The following CHD5 variants were observed in gnomAD, a reference collection of about 807,000 sequenced individuals.
CHD5 encodes ATP-dependent chromatin remodeler CHD5.
Under a neutral mutation model 230.3 loss-of-function variants are expected in CHD5, and 69 were observed. The ratio of observed to expected loss-of-function variants is 0.30; its 90% CI spans 0.25 to 0.37. The LOEUF is 0.37. Ranked by LOEUF, CHD5 falls within the 10% of genes least tolerant of loss-of-function variation. The pLI, the probability that CHD5 is intolerant of heterozygous loss-of-function variation, is 1.00. For synonymous variants in CHD5, 1,064 were observed against 1,065.9 expected (o/e 1.00, Z 0.03); for missense variants, 1,827 against 2,622.8 (o/e 0.70, Z 6.63).
chr1:6,165,909 G>A (rs1462877734), intron 2 of CHD5, among the ~76,000 whole-genome samples: 1 of 152,000 alleles, frequency 6.6e-6, no homozygotes, highest in African/African-American at 2.4e-5. Flanking sequence ...TGAGACCCCG[G>A]GGAAGATGCA....
Position 6,149,214 on chromosome 1 carries a change from C to T in CHD5, c.1161+32G>A, listed in dbSNP as rs199509655. ...GGGGTGGGGGAGCCAGGCGTGGCCC[C>T]GCCCCCAGCCCGGGGCTCTGCCAAG... On this transcript the variant is annotated intron_variant, in intron 8 of 41. Transcript: ENST00000262450. 25 of 1,538,844 alleles carry T rather than the reference C, an allele frequency of 1.6e-5. No individual in the cohort carries two copies. In the East Asian group the frequency reaches 3.5e-4, roughly 22 times the overall value.
At chr1:6,156,828 C>G (rs1192747619) in intron 3 of CHD5, among the ~76,000 whole-genome samples, 13 of 152,308 alleles carry the variant, frequency 8.5e-5, no homozygotes, top group Non-Finnish European at 5.9e-5. Context: ...CTCAAGAGAG[C>G]TAGCCCAGGG....
chr1:6,169,895 C>T (rs535641465), intron 1 of CHD5, among the ~76,000 whole-genome samples: 3 of 152,226 alleles, frequency 2.0e-5, no homozygotes, highest in South Asian at 4.2e-4. Context: ...CTGCCATGGA[C>T]ACCCCAGGCC....
intron 35 of CHD5, 89 bp downstream of exon 35, chr1:6,112,051 A>T: frequency 6.8e-7 from 1 of 1,475,100 alleles, no homozygotes; most frequent in Non-Finnish European, 9.3e-7. Flanking sequence ...AACCAGTCAC[A>T]CTCTAGTATA....
chr1:6,133,018 C>A (rs1000510648), intron 20 of CHD5, among the ~76,000 whole-genome samples: 1 of 152,086 alleles, frequency 6.6e-6, no homozygotes, highest in South Asian at 2.1e-4. Flanking sequence ...CCTCAACCTC[C>A]CAAGTCGCTG....
intron 1 of CHD5, among the ~76,000 whole-genome samples, chr1:6,170,213 G>A (rs1036501358): frequency 3.9e-4 from 60 of 152,054 alleles, no homozygotes; most frequent in African/African-American, 1.3e-3. Flanking sequence ...TGGCCCACAC[G>A]CTCAGACACA....
chr1:6,169,325 T>C (rs1165826426), intron 1 of CHD5, among the ~76,000 whole-genome samples: 1 of 152,202 alleles, frequency 6.6e-6, no homozygotes, highest in East Asian at 1.9e-4. Context: ...AGAGACGCCG[T>C]GCCCAGCACA....
chr1:6,155,514 G>A lies in CHD5; in HGVS notation c.506+85C>T, dbSNP rs192332710. 3.6e-4 allele frequency: 435 copies of A among 1,205,120 alleles called. 1 individual carries two copies. Among genetic ancestry groups the A allele is most frequent in the Middle Eastern group, 6.6e-4 (3 of 4,524 alleles). The allele number at this position is 1,205,120 out of a possible 1,614,324, so 74.7% of individuals were successfully genotyped here. ...AGAGCCCACCCCTACCCCAGGTGCCGGGGCTTCACTCCTCTGCCTCCCTCC... is the reference window on the plus strand; with the variant it reads ...AGAGCCCACCCCTACCCCAGGTGCCAGGGCTTCACTCCTCTGCCTCCCTCC... On this transcript the variant is annotated intron_variant, in intron 4 of 41. Coordinates refer to ENST00000262450, the MANE Select transcript of CHD5 (RefSeq NM_015557.3). This position sits in a 1 kb window ranked among gnomAD's most constrained non-coding sequence, Gnocchi z 4.0.
At position 6,142,097 on chromosome 1, in the gene CHD5, T is replaced by C; in HGVS notation, c.2436+31A>G. ...CCCTGAACTAGACCGGGGGCCTTCC[T>C]ACCGTCCTTCCAAGGATAGCGAGCC... On this transcript the variant is annotated intron_variant, in intron 15 of 41. Coordinates refer to ENST00000262450, the MANE Select transcript of CHD5 (RefSeq NM_015557.3). The surrounding 1 kb of genome is among the most constrained non-coding windows in gnomAD (Gnocchi z 5.2). 6.3e-7 allele frequency: 1 copy of C among 1,595,498 alleles called. No individual in the cohort carries two copies. The highest frequency in any genetic ancestry group is 8.6e-7 in the Non-Finnish European group (1 of 1,163,822).
chr1:6,109,494 G>T (rs982167535), intron 38 of CHD5, among the ~76,000 whole-genome samples: 2 of 152,216 alleles, frequency 1.3e-5, no homozygotes, highest in Admixed American at 1.3e-4. Context: ...TTTAAGTCAC[G>T]CTGTCAGGAC....
intron 11 of CHD5, among the ~76,000 whole-genome samples, chr1:6,144,681 A>G (rs1309355243): frequency 1.3e-5 from 2 of 152,302 alleles, no homozygotes; most frequent in East Asian, 3.9e-4. Flanking sequence ...CCAGCAGCAC[A>G]CAGCTTGATT....
Position 6,146,807 on chromosome 1 carries a change from G to T in CHD5, c.1448C>A (p.Pro483His), listed in dbSNP as rs545109480. 1.9e-6 allele frequency: 3 copies of T among 1,582,894 alleles called. No homozygotes were observed. The East Asian group carries it at 6.8e-5, about 36-fold the overall frequency. ...AGGCCCCGGCAGCCCCACCATGAAGGGGGCAGGGGGCTCCGTCCACCTCCA... is the reference window on the plus strand; with the variant it reads ...AGGCCCCGGCAGCCCCACCATGAAGTGGGCAGGGGGCTCCGTCCACCTCCA... ...LHWRWTEPPA[P>H]FMVGLPGPDV... The change falls in exon 10 of 42, where the codon CCC becomes CAC. Residue 483 changes from proline (P) to histidine (H), a missense_variant. Around this residue, in one of 14 missense-constraint regions of CHD5, gnomAD observed 657 missense variants for 816.4 expected, o/e 0.80. Transcript: ENST00000262450. The surrounding 1 kb of genome is among the most constrained non-coding windows in gnomAD (Gnocchi z 5.1).
chr1:6,112,145 A>G lies in CHD5; in HGVS notation c.5135T>C (p.Phe1712Ser), dbSNP rs1666301536. The G allele has an allele frequency of 6.2e-7, 1 of 1,613,448 alleles. No individual in the cohort carries two copies. Reference sequence around the variant, plus strand: ...CCAACCCCCAACCCCAATACCCGTGAAGCCCCCGTCCGCGATGTTGAACAT... The same window carrying G: ...CCAACCCCCAACCCCAATACCCGTGGAGCCCCCGTCCGCGATGTTGAACAT... ...KFMFNIADGG[F>S]TELHTLWQNE... is the part of the protein sequence containing the mutation. The change falls in exon 35 of 42, where the codon TTC becomes TCC. Residue 1712 changes from phenylalanine (F) to serine (S), a missense_variant. By Grantham distance (155) the Phe-to-Ser change is radical. Around this residue, in one of 14 missense-constraint regions of CHD5, gnomAD observed 272 missense variants for 263.2 expected, o/e 1.03. Coordinates refer to ENST00000262450, the MANE Select transcript of CHD5 (RefSeq NM_015557.3).
intron 36 of CHD5, among the ~76,000 whole-genome samples, chr1:6,111,458 C>T (rs1166895633): frequency 6.6e-5 from 10 of 150,998 alleles, no homozygotes; most frequent in East Asian, 1.9e-4. Flanking sequence ...CGCTTGAACC[C>T]GGGAGGCAGC....
At position 6,152,555 on chromosome 1, in the gene CHD5, G is replaced by C; in HGVS notation, c.746-19C>G. On this transcript the variant is annotated intron_variant, in intron 5 of 41. Transcript: ENST00000262450. ...CCAGGCCCTGAAAAACAGCAGTGAT[G>C]ATAGCCAACCACTGCCACCACTGAC... is the stretch of plus-strand genomic sequence containing the variant. The C allele has an allele frequency of 6.2e-7, 1 of 1,613,460 alleles. No individual in the cohort carries two copies. The highest frequency in any genetic ancestry group is 1.1e-5 in the South Asian group (1 of 91,050).
chr1:6,136,413 G>GC, intron 17 of CHD5, 104 bp downstream of exon 17: 1 of 1,335,338 alleles, frequency 7.5e-7, no homozygotes, highest in Non-Finnish European at 1.0e-6. Flanking sequence ...TGATGAGGAA[G>GC]CAACGGCCGA....
chr1:6,166,674 C>G lies in CHD5; in HGVS notation c.207+1476G>C, dbSNP rs554219168. Among the ~76,000 whole-genome samples the G allele has an allele frequency of 2.6e-5, 4 of 151,882 alleles. 1 individual carries two copies. The highest frequency in any genetic ancestry group is 2.0e-4 in the Admixed American group (3 of 15,266). On this transcript the variant is annotated intron_variant, in intron 2 of 41. Transcript: ENST00000262450. ...CACAGGCTGCAGGTAGAGTTCAGAG[C>G]CCCCCAAAATGCCTCCAAGTACCCG...
In CHD5 at chr1:6,152,478, C is replaced by T. The variant is rs1299724900; in HGVS notation, c.804G>A (p.Gly268=). The change falls in exon 6 of 42, where the codon GGG becomes GGA. Residue 268 remains glycine (G), a synonymous_variant. Transcript: ENST00000262450. Reference sequence around the variant, plus strand: ...GGAACTTGAGCCCGGCCGTCTTTTTCCCTTTGCCCTTTTTCTTCCCATCTT... The same window carrying T: ...GGAACTTGAGCCCGGCCGTCTTTTTTCCTTTGCCCTTTTTCTTCCCATCTT... ...GSKDGKKKGK[G]KKTAGLKFRF... 6.2e-7 allele frequency: 1 copy of T among 1,614,050 alleles called. No individual in the cohort carries two copies. The highest frequency in any genetic ancestry group is 8.5e-7 in the Non-Finnish European group (1 of 1,180,038).
chr1:6,173,023 T>C (rs1028430420), intron 1 of CHD5, among the ~76,000 whole-genome samples: 1 of 151,740 alleles, frequency 6.6e-6, no homozygotes, highest in African/African-American at 2.4e-5. Context: ...CATCACCAGG[T>C]TGCAAAGGCC....
Sources: allele counts gnomAD v4.1 joint callset (sites outside exome capture counted in the v4.1 genomes callset), GRCh38; gene constraint gnomAD v4.1.1; regional missense constraint gnomAD v4.1.1; non-coding constraint Gnocchi (gnomAD v3.1); transcripts MANE v1.5; gene names NCBI Gene and HGNC (gene_info 2026-07-23, HGNC 2026-07-21).